SLC5A10: variants seen among roughly 807,000 people sequenced by gnomAD.
SLC5A10 encodes sodium/mannose cotransporter SLC5A10.
A neutral mutation model predicts 68.9 loss-of-function variants in SLC5A10; 55 were observed. That is an observed-to-expected ratio of 0.80 (90% CI 0.64 to 1.00). The LOEUF (loss-of-function observed/expected upper bound fraction) is 1.00, where lower values mean the gene tolerates loss of function less well. Among genes scored for constraint, SLC5A10 ranks in the 50% least tolerant of loss-of-function variants. SLC5A10 has a pLI of 0.00. For synonymous variants in SLC5A10, 344 were observed against 344.8 expected (o/e 1.00, Z 0.02); for missense variants, 732 against 819.3 (o/e 0.89, Z 1.30).
At chr17:18,977,431 C>T (rs1303573210) in intron 9 of SLC5A10, 19 of 784,594 alleles carry the variant, frequency 2.4e-5, no homozygotes, top group South Asian at 1.4e-4. Flanking sequence ...CCGGTTCCCA[C>T]CCCTGCCTGT....
chr17:19,005,408 TG>T (rs2043857656), intron 9 of SLC5A10, among the ~76,000 whole-genome samples: 1 of 152,122 alleles, frequency 6.6e-6, no homozygotes, highest in African/African-American at 2.4e-5. Flanking sequence ...ACCCTGGTTA[TG>T]GGGAGCGTGG....
At chr17:18,961,529 G>A (rs770178791) in intron 5 of SLC5A10, among the ~76,000 whole-genome samples, 4 of 152,204 alleles carry the variant, frequency 2.6e-5, no homozygotes, top group African/African-American at 9.6e-5. Context: ...CTGTGTCTGC[G>A]GGAAGTGCTC....
intron 5 of SLC5A10, among the ~76,000 whole-genome samples, chr17:18,963,052 T>G (rs1345690329): frequency 1.3e-5 from 2 of 152,170 alleles, no homozygotes; most frequent in East Asian, 3.8e-4. Flanking sequence ...ACTCCATCTC[T>G]ACTAAAATAC....
Position 18,971,900 on chromosome 17 carries a change from A to T in SLC5A10, c.846+682A>T. 1 of 749,488 alleles carries T rather than the reference A, an allele frequency of 1.3e-6. No individual in the cohort carries two copies. 46.4% of individuals were successfully genotyped at this position (749,488 alleles called of 1,614,324 possible). A position where few individuals can be genotyped will look rare whatever the true frequency, so the allele number is the denominator to read the frequency against. On this transcript the variant is annotated intron_variant, in intron 8 of 14. Transcript: ENST00000395645. The surrounding 1 kb of genome is among the most constrained non-coding windows in gnomAD (Gnocchi z 5.5). ...GGAGTGGGCCTAGACCAGTTGGTTTAGTCACTCGATGCCTCAGTTCCCCTG... is the reference window on the plus strand; with the variant it reads ...GGAGTGGGCCTAGACCAGTTGGTTTTGTCACTCGATGCCTCAGTTCCCCTG...
intron 9 of SLC5A10, among the ~76,000 whole-genome samples, chr17:19,011,820 TA>T (rs1485864521): frequency 6.7e-6 from 1 of 148,578 alleles, no homozygotes; most frequent in African/African-American, 2.5e-5. Context: ...ACTGCCAGGG[TA>T]GGGGACACTG....
intron 9 of SLC5A10, among the ~76,000 whole-genome samples, chr17:18,999,259 C>T (rs1425155950): frequency 6.6e-6 from 1 of 150,584 alleles, no homozygotes; most frequent in Non-Finnish European, 1.5e-5. Flanking sequence ...GCCTGGGCGA[C>T]AGAGCAAGAC....
intron 1 of SLC5A10, among the ~76,000 whole-genome samples, chr17:18,957,130 G>A (rs1427921737): frequency 6.6e-6 from 1 of 152,124 alleles, no homozygotes; most frequent in Non-Finnish European, 1.5e-5. Flanking sequence ...CCAGGGTGAC[G>A]GAGTGAGATT....
chr17:19,001,434 T>C (rs894957679), intron 9 of SLC5A10, among the ~76,000 whole-genome samples: 16 of 152,192 alleles, frequency 1.1e-4, no homozygotes, highest in Admixed American at 9.8e-4. Context: ...GTTTCAGCAG[T>C]GAGTGCCCCA....
In SLC5A10 at chr17:19,003,716, A is replaced by G. The variant is rs2074283; in HGVS notation, c.983-9694A>G. ...CAGGGAGGGCAGCGGCTCGGCCTCGATGGGGACCCCATCCGCCCCGCTGGC... is the reference window on the plus strand; with the variant it reads ...CAGGGAGGGCAGCGGCTCGGCCTCGGTGGGGACCCCATCCGCCCCGCTGGC... On this transcript the variant is annotated intron_variant, in intron 9 of 14. Coordinates refer to ENST00000395645, the MANE Select transcript of SLC5A10 (RefSeq NM_001042450.4). The surrounding 1 kb of genome is among the most constrained non-coding windows in gnomAD (Gnocchi z 4.5). The G allele has an allele frequency of 0.074, 117,956 of 1,604,718 alleles. 14,205 individuals carry two copies. Among genetic ancestry groups the G allele is most frequent in the East Asian group, 0.39 (17,162 of 44,446 alleles).
At position 18,970,924 on chromosome 17, in the gene SLC5A10, G is replaced by A. The variant is rs1313360088; in HGVS notation, c.641-89G>A. The A allele has an allele frequency of 4.6e-6, 6 of 1,299,740 alleles. No homozygotes were observed. The Admixed American group carries it at 5.3e-5, about 12-fold the overall frequency. 80.5% of individuals were successfully genotyped at this position (1,299,740 alleles called of 1,614,324 possible). A position where few individuals can be genotyped will look rare whatever the true frequency, so the allele number is the denominator to read the frequency against. ...AAACTCAAGTTTGATGCATCAGGAA[G>A]TTTCTTGTGAGATGAAGGCAGGGGG... is the stretch of plus-strand genomic sequence containing the variant. On this transcript the variant is annotated intron_variant, in intron 7 of 14. Transcript: ENST00000395645.
chr17:18,982,082 G>T (rs1290897391), intron 9 of SLC5A10, among the ~76,000 whole-genome samples: 1 of 152,224 alleles, frequency 6.6e-6, no homozygotes, highest in Non-Finnish European at 1.5e-5. Flanking sequence ...CCTGATGAGG[G>T]CTCGGAAAGT....
chr17:19,021,585 T>A lies in SLC5A10; in HGVS notation c.*1154T>A. On this transcript the variant is annotated 3_prime_UTR_variant, in exon 15 of 15. Transcript: ENST00000395645. This position sits in a 1 kb window ranked among gnomAD's most constrained non-coding sequence, Gnocchi z 4.1. ...CAGCCCAAGGTGAACCCACCCACCATGGCCAGGGTTCCTTAGGTTGAGCCT... is the reference window on the plus strand; with the variant it reads ...CAGCCCAAGGTGAACCCACCCACCAAGGCCAGGGTTCCTTAGGTTGAGCCT... 2.7e-6 allele frequency: 1 copy of A among 376,570 alleles called. No homozygotes were observed. The highest frequency in any genetic ancestry group is 4.7e-6 in the Non-Finnish European group (1 of 212,082). The allele number at this position is 376,570 out of a possible 1,614,324, so 23.3% of individuals were successfully genotyped here.
At position 19,004,644 on chromosome 17, in the gene SLC5A10, C is replaced by A. The variant is rs1403159560; in HGVS notation, c.983-8766C>A. Reference sequence around the variant, plus strand: ...GAGGGGTCCAGGAGACCCAGAAACGCGGTTGCGGGGCGGCGACGCCCCGCG... The same window carrying A: ...GAGGGGTCCAGGAGACCCAGAAACGAGGTTGCGGGGCGGCGACGCCCCGCG... On this transcript the variant is annotated intron_variant, in intron 9 of 14. Transcript: ENST00000395645. This position sits in a 1 kb window ranked among gnomAD's most constrained non-coding sequence, Gnocchi z 5.4. 6.6e-6 allele frequency: 1 copy of A among 151,534 alleles called. No individual in the cohort carries two copies. Among genetic ancestry groups the A allele is most frequent in the Non-Finnish European group, 1.5e-5 (1 of 67,816 alleles). The allele number at this position is 151,534 out of a possible 1,614,324, so 9.4% of individuals were successfully genotyped here.
intron 9 of SLC5A10, among the ~76,000 whole-genome samples, chr17:18,991,579 G>A (rs891377016): frequency 5.3e-5 from 8 of 152,190 alleles, no homozygotes; most frequent in South Asian, 2.1e-4. Context: ...GGCAGGAGGC[G>A]GGTGGCCTGG....
chr17:18,959,035 C>A, intron 2 of SLC5A10, 100 bp from the exon 3 acceptor site: 2 of 1,194,418 alleles, frequency 1.7e-6, no homozygotes, highest in Non-Finnish European at 2.4e-6. Flanking sequence ...GGGGCTAGGA[C>A]CCCGCTTAGG....
In SLC5A10 at chr17:19,003,859, C is replaced by T. The variant is rs771065426; in HGVS notation, c.983-9551C>T. 1.9e-6 allele frequency: 3 copies of T among 1,612,942 alleles called. No individual in the cohort carries two copies. The Admixed American group carries it at 5.0e-5, about 27-fold the overall frequency. On this transcript the variant is annotated intron_variant, in intron 9 of 14. Coordinates refer to ENST00000395645, the MANE Select transcript of SLC5A10 (RefSeq NM_001042450.4). The surrounding 1 kb of genome is among the most constrained non-coding windows in gnomAD (Gnocchi z 4.5). The stretch of plus-strand genomic sequence containing the variant: ...TCTCCAGGATGCGCTTGAGCTCCAG[C>T]TCCGAGAGGAAGTCTCGGATGTTCT...
chr17:18,967,012 T>C (rs1258864962), intron 5 of SLC5A10, among the ~76,000 whole-genome samples: 2 of 152,100 alleles, frequency 1.3e-5, no homozygotes, highest in Non-Finnish European at 1.5e-5. Flanking sequence ...GGCTGGGACA[T>C]GGCAGACCAG....
In SLC5A10 at chr17:18,959,180, A is replaced by C. The variant is rs1462724145; in HGVS notation, c.229A>C (p.Ile77Leu). Residue 77 changes from isoleucine to leucine, a missense_variant, in exon 3 of 15, where the codon ATT becomes CTT. Transcript: ENST00000395645. ...FASSEGSGLF[I>L]GLAGSGAAGG... is the part of the protein sequence containing the mutation. ...CAGCAGCGAGGGCTCTGGCCTCTTC[A>C]TTGGACTGGCGGGCTCAGGCGCGGC... 1 of 1,613,862 alleles carries C rather than the reference A, an allele frequency of 6.2e-7. No homozygotes were observed. The highest frequency in any genetic ancestry group is 8.5e-7 in the Non-Finnish European group (1 of 1,179,938).
At position 19,003,381 on chromosome 17, in the gene SLC5A10, C is replaced by T; in HGVS notation, c.983-10029C>T. The T allele has an allele frequency of 2.1e-6, 2 of 957,194 alleles. No homozygotes were observed. The highest frequency in any genetic ancestry group is 2.8e-6 in the Non-Finnish European group (2 of 707,212). The allele number at this position is 957,194 out of a possible 1,614,324, so 59.3% of individuals were successfully genotyped here. ...CGAAGGTGGGGAGGAAACCTCCACC[C>T]AAGAGGCAGCCAGGGAAAACAGCAG... On this transcript the variant is annotated intron_variant, in intron 9 of 14. Transcript: ENST00000395645. This position sits in a 1 kb window ranked among gnomAD's most constrained non-coding sequence, Gnocchi z 4.5.
Sources: gnomAD v4.1 joint callset for allele counts (sites outside exome capture counted in the v4.1 genomes callset) on GRCh38, gnomAD v4.1.1 for gene constraint, Gnocchi (gnomAD v3.1) non-coding constraint, MANE v1.5 for transcripts, NCBI Gene and HGNC (gene_info 2026-07-23, HGNC 2026-07-21) for gene names.